The following TNFRSF21 variants were observed in gnomAD, a reference collection of about 807,000 sequenced individuals.
TNFRSF21 encodes TNF receptor superfamily member 21.
TNFRSF21 carries 19 observed loss-of-function variants against 45.6 expected under a neutral mutation model. The ratio of observed to expected loss-of-function variants is 0.42; its 90% CI spans 0.29 to 0.61. The LOEUF (loss-of-function observed/expected upper bound fraction) is 0.61. TNFRSF21 is among the 20% of genes least tolerant of loss of function. The pLI is 0.23. For missense variants in TNFRSF21, 737 were observed against 851.5 expected (o/e 0.87, Z 1.67); for synonymous variants, 314 against 335.5 (o/e 0.94, Z 0.70).
At chr6:47,269,250 CACACACAT>C (rs978421732) in intron 3 of TNFRSF21, among the ~76,000 whole-genome samples, 4 of 152,178 alleles carry the variant, frequency 2.6e-5, no homozygotes, top group African/African-American at 9.6e-5. Flanking sequence ...AACACACACA[CACACACAT>C]ACACACATTG....
At chr6:47,256,506 G>A (rs927905921) in intron 3 of TNFRSF21, among the ~76,000 whole-genome samples, 2 of 152,200 alleles carry the variant, frequency 1.3e-5, no homozygotes, top group African/African-American at 4.8e-5. Flanking sequence ...CTGGGTGAGA[G>A]AGGGAGACTC....
intron 1 of TNFRSF21, among the ~76,000 whole-genome samples, chr6:47,294,718 AG>A (rs1762772138): frequency 6.6e-6 from 1 of 151,854 alleles, no homozygotes; most frequent in South Asian, 2.1e-4. Context: ...GAGGGGGGCC[AG>A]GGGTTCTCAC....
chr6:47,275,301 T>C (rs1277604699), intron 3 of TNFRSF21, among the ~76,000 whole-genome samples: 1 of 152,156 alleles, frequency 6.6e-6, no homozygotes, highest in African/African-American at 2.4e-5. Context: ...GTGGCACATA[T>C]ACACCATGGA....
rs142096404 is a variant in TNFRSF21, at chr6:47,282,299, C to A, written c.1243+1639G>T. Among the ~76,000 whole-genome samples the A allele has an allele frequency of 5.9e-3, 885 of 150,202 alleles. 8 individuals are homozygous for A. Among genetic ancestry groups the A allele is most frequent in the Admixed American group, 0.011 (167 of 15,072 alleles). On this transcript the variant is annotated intron_variant, in intron 3 of 5. Transcript: ENST00000296861. ...ACTCAGGAGGCTGAGGCAGGAGAATCGCTTGAACCTGGGAGGTGAAGTTGT... is the reference window on the plus strand; with the variant it reads ...ACTCAGGAGGCTGAGGCAGGAGAATAGCTTGAACCTGGGAGGTGAAGTTGT...
chr6:47,232,316 C>T lies in TNFRSF21; in HGVS notation c.*449G>A, dbSNP rs148267278. 284 of 154,218 alleles carry T rather than the reference C, an allele frequency of 1.8e-3. No individual in the cohort carries two copies. In the South Asian group the frequency reaches 0.022, roughly 12 times the overall value. The allele number at this position is 154,218 out of a possible 1,614,324, so 9.6% of individuals were successfully genotyped here. On this transcript the variant is annotated 3_prime_UTR_variant, in exon 6 of 6. Coordinates refer to ENST00000296861, the MANE Select transcript of TNFRSF21 (RefSeq NM_014452.5). ...GTGTGAATGTTAAGAGACATAAAGA[C>T]TGCTTATAGGATTCACAAGATGCCA...
At chr6:47,281,871 T>C (rs1762572056) in intron 3 of TNFRSF21, among the ~76,000 whole-genome samples, 1 of 151,962 alleles carries the variant, frequency 6.6e-6, no homozygotes, top group Non-Finnish European at 1.5e-5. Flanking sequence ...GAATTGAAGC[T>C]TTCCCCAGAC....
chr6:47,300,801 C>A (rs574079700), intron 1 of TNFRSF21, among the ~76,000 whole-genome samples: 1 of 152,306 alleles, frequency 6.6e-6, no homozygotes, highest in Non-Finnish European at 1.5e-5. Context: ...ACCCCTTTTA[C>A]GACGTCCAAG....
At chr6:47,295,723 A>G (rs1451475927) in intron 1 of TNFRSF21, among the ~76,000 whole-genome samples, 1 of 152,204 alleles carries the variant, frequency 6.6e-6, no homozygotes, top group Non-Finnish European at 1.5e-5. Flanking sequence ...AGCTTCAAGG[A>G]CAGAGCTTCC....
At chr6:47,243,000 T>C (rs983198294) in intron 4 of TNFRSF21, among the ~76,000 whole-genome samples, 1 of 152,220 alleles carries the variant, frequency 6.6e-6, no homozygotes, top group Non-Finnish European at 1.5e-5. Context: ...CTGTGGAGGA[T>C]GGAAAGTAAT....
At chr6:47,303,843 T>C (rs942091862) in intron 1 of TNFRSF21, among the ~76,000 whole-genome samples, 1 of 152,256 alleles carries the variant, frequency 6.6e-6, no homozygotes, top group African/African-American at 2.4e-5. Context: ...TATTTATTCA[T>C]GATCTCGCCC....
At chr6:47,241,513 C>T (rs1379312728) in intron 4 of TNFRSF21, among the ~76,000 whole-genome samples, 1 of 151,664 alleles carries the variant, frequency 6.6e-6, no homozygotes, top group Non-Finnish European at 1.5e-5. Context: ...TCTTAAGAGG[C>T]AAATGGAAAA....
chr6:47,308,879 T>G (rs1273035062), intron 1 of TNFRSF21, among the ~76,000 whole-genome samples: 3 of 152,226 alleles, frequency 2.0e-5, no homozygotes, highest in Admixed American at 6.5e-5. Flanking sequence ...TGCTCGGGAA[T>G]GCACCGCGCG....
intron 3 of TNFRSF21, among the ~76,000 whole-genome samples, chr6:47,272,042 C>T (rs1762429029): frequency 6.6e-6 from 1 of 152,146 alleles, no homozygotes; most frequent in South Asian, 2.1e-4. Flanking sequence ...TACAAACAGA[C>T]TTAGACTCCC....
At chr6:47,289,064 A>G (rs1466674277) in intron 1 of TNFRSF21, among the ~76,000 whole-genome samples, 1 of 152,250 alleles carries the variant, frequency 6.6e-6, no homozygotes, top group Non-Finnish European at 1.5e-5. Flanking sequence ...TAAGAATATT[A>G]AGAGAAAGTT....
rs2113840252 is a variant in TNFRSF21, at chr6:47,232,614, TTC to T, written c.*149_*150del. 1.5e-5 allele frequency: 9 copies of T among 587,424 alleles called. No individual in the cohort carries two copies. In the South Asian group the frequency reaches 2.2e-4, roughly 15 times the overall value. 36.4% of individuals were successfully genotyped at this position (587,424 alleles called of 1,614,324 possible). The stretch of plus-strand genomic sequence containing the variant: ...AGAAAGAACTCAAGCACTGGCCATA[TTC>T]TCTGTTAAACACACACACACACACA... On this transcript the variant is annotated 3_prime_UTR_variant, in exon 6 of 6. Coordinates refer to ENST00000296861, the MANE Select transcript of TNFRSF21 (RefSeq NM_014452.5).
At chr6:47,264,822 C>T (rs1012144118) in intron 3 of TNFRSF21, among the ~76,000 whole-genome samples, 16 of 152,150 alleles carry the variant, frequency 1.1e-4, no homozygotes, top group Admixed American at 2.6e-4. Context: ...GGGGTGAGAA[C>T]AGTCCAACCC....
chr6:47,249,483 AG>A (rs1764870494), intron 4 of TNFRSF21, among the ~76,000 whole-genome samples: 1 of 152,224 alleles, frequency 6.6e-6, no homozygotes, highest in Non-Finnish European at 1.5e-5. Flanking sequence ...CAAGAAAAAC[AG>A]AGTTTACTGC....
chr6:47,231,600 C>T lies in TNFRSF21; in HGVS notation c.*1165G>A, dbSNP rs1301732296. 2.0e-5 allele frequency: 3 copies of T among 152,586 alleles called. No homozygotes were observed. In the East Asian group the frequency reaches 5.8e-4, roughly 29 times the overall value. 9.5% of individuals were successfully genotyped at this position (152,586 alleles called of 1,614,324 possible). ...GCATTTTTCTGATATCGGTCCTTCA[C>T]CACTACCCACAAACCCCACCCACAC... is the stretch of plus-strand genomic sequence containing the variant. On this transcript the variant is annotated 3_prime_UTR_variant, in exon 6 of 6. Coordinates refer to ENST00000296861, the MANE Select transcript of TNFRSF21 (RefSeq NM_014452.5).
chr6:47,267,380 G>A (rs1339772212), intron 3 of TNFRSF21, among the ~76,000 whole-genome samples: 2 of 152,126 alleles, frequency 1.3e-5, no homozygotes, highest in Non-Finnish European at 2.9e-5. Flanking sequence ...GATTATAGGC[G>A]TGAGTCACCG....
Sources: allele counts gnomAD v4.1 joint callset (sites outside exome capture counted in the v4.1 genomes callset), GRCh38; gene constraint gnomAD v4.1.1; transcripts MANE v1.5; gene names NCBI Gene and HGNC (gene_info 2026-07-23, HGNC 2026-07-21).